The following DMD variants were observed in gnomAD, a reference collection of about 807,000 sequenced individuals.
DMD encodes dystrophin, also known as mutant dystrophin.
In DMD, 63 loss-of-function variants were observed where a neutral mutation model predicts 330.1. That is an observed-to-expected ratio of 0.19 (90% CI 0.16 to 0.24). The LOEUF (loss-of-function observed/expected upper bound fraction) is 0.24. DMD is among the 10% of genes least tolerant of loss of function. The probability of loss-of-function intolerance (pLI) is 1.00; values close to 1 mark genes in which losing one functional copy is unlikely to be tolerated. For synonymous variants in DMD, 1,223 were observed against 959.8 expected (o/e 1.27, Z -5.07); for missense variants, 3,344 against 2,684.1 (o/e 1.25, Z -5.43).
chrX:31,569,838 T>G (rs2075717327), intron 55 of DMD, among the ~76,000 whole-genome samples: 1 of 108,971 alleles, frequency 9.2e-6, no homozygotes, highest in Non-Finnish European at 1.9e-5. Context: ...TTATATAAAA[T>G]ACAGACATAA....
At chrX:33,235,604 T>G (rs1313781515) in intron 1 of DMD, among the ~76,000 whole-genome samples, 1 of 111,546 alleles carries the variant, frequency 9.0e-6, no homozygotes, top group Non-Finnish European at 1.9e-5. Flanking sequence ...AACAGTTTAA[T>G]CATTTAGGGA....
intron 2 of DMD, among the ~76,000 whole-genome samples, chrX:32,858,504 A>C (rs764610904): frequency 9.0e-6 from 1 of 110,740 alleles, no homozygotes; most frequent in African/African-American, 3.3e-5. Context: ...TCAGTTTTGT[A>C]TTTTTAGTAG....
At chrX:32,271,568 T>A (rs762325498) in intron 43 of DMD, among the ~76,000 whole-genome samples, 2 of 112,956 alleles carry the variant, frequency 1.8e-5, no homozygotes, top group East Asian at 5.6e-4. Context: ...GTAAACAGAT[T>A]TTTAAAGCGT....
intron 17 of DMD, among the ~76,000 whole-genome samples, chrX:32,543,278 G>T (rs1323358891): frequency 9.1e-6 from 1 of 110,257 alleles, no homozygotes; most frequent in Non-Finnish European, 1.9e-5. Flanking sequence ...TGGAGAGAAG[G>T]TATTTCACCA....
At chrX:32,091,309 A>G (rs1469315386) in intron 44 of DMD, among the ~76,000 whole-genome samples, 2 of 112,203 alleles carry the variant, frequency 1.8e-5, no homozygotes, top group East Asian at 5.6e-4. Context: ...CCAGATACAT[A>G]GAAACTTATA....
chrX:31,193,445 G>A (rs778820411), intron 67 of DMD, among the ~76,000 whole-genome samples: 4 of 111,662 alleles, frequency 3.6e-5, no homozygotes, highest in Admixed American at 1.9e-4. Flanking sequence ...CGGGGGAGAG[G>A]TAGAAGCTCT....
At chrX:33,122,891 T>C (rs1473499790) in intron 1 of DMD, among the ~76,000 whole-genome samples, 1 of 112,145 alleles carries the variant, frequency 8.9e-6, no homozygotes, top group African/African-American at 3.2e-5. Context: ...CATCAGTTTA[T>C]TTCATGTTCT....
chrX:32,624,411 G>GC (rs779862082), intron 11 of DMD, among the ~76,000 whole-genome samples: 1 of 112,135 alleles, frequency 8.9e-6, no homozygotes, highest in South Asian at 3.8e-4. Context: ...AGAGGGGCTA[G>GC]CAAAACAGAT....
At chrX:32,085,341 T>C (rs1440855187) in intron 44 of DMD, among the ~76,000 whole-genome samples, 1 of 109,895 alleles carries the variant, frequency 9.1e-6, no homozygotes, top group East Asian at 2.9e-4. Flanking sequence ...AATTTTATTA[T>C]GTGAGTATGT....
At chrX:31,759,902 T>C (rs1031053258) in intron 51 of DMD, among the ~76,000 whole-genome samples, 1 of 111,444 alleles carries the variant, frequency 9.0e-6, no homozygotes, top group Non-Finnish European at 1.9e-5. Context: ...TAAAAGCATA[T>C]GTAGAGAAAT....
intron 50 of DMD, among the ~76,000 whole-genome samples, chrX:31,786,725 G>A (rs746803116): frequency 1.4e-3 from 151 of 111,512 alleles, no homozygotes; most frequent in African/African-American, 4.9e-3. Flanking sequence ...TTTCTCCCTG[G>A]TGCCTGCTCT....
intron 7 of DMD, among the ~76,000 whole-genome samples, chrX:32,767,159 GTA>G (rs1170505752): frequency 9.0e-6 from 1 of 111,477 alleles, no homozygotes; most frequent in African/African-American, 3.3e-5. Flanking sequence ...AAGGCACCTA[GTA>G]TTTTTTGAGG....
chrX:31,990,880 TTTAA>T (rs983891223), intron 44 of DMD, among the ~76,000 whole-genome samples: 5 of 111,986 alleles, frequency 4.5e-5, no homozygotes, highest in African/African-American at 1.6e-4. Context: ...CAAATAAAGT[TTTAA>T]TTAATGTTCA....
intron 12 of DMD, among the ~76,000 whole-genome samples, chrX:32,613,038 G>C (rs746885767): frequency 4.5e-5 from 5 of 111,670 alleles, no homozygotes; most frequent in Non-Finnish European, 7.6e-5. Flanking sequence ...GATTTCGAAG[G>C]TATGAGGTAA....
chrX:33,066,068 A>G (rs1335369643), intron 1 of DMD, among the ~76,000 whole-genome samples: 1 of 110,423 alleles, frequency 9.1e-6, no homozygotes, highest in Non-Finnish European at 1.9e-5. Flanking sequence ...TAAAAAAAAA[A>G]AAAACCACCT....
At chrX:33,186,269 T>C (rs182789694) in intron 1 of DMD, among the ~76,000 whole-genome samples, 86 of 112,173 alleles carry the variant, frequency 7.7e-4, no homozygotes, top group Non-Finnish European at 1.5e-3. Context: ...TTCACTGCCT[T>C]TTCTTATTCT....
At chrX:32,282,786 T>C (rs1311978007) in intron 43 of DMD, among the ~76,000 whole-genome samples, 2 of 112,501 alleles carry the variant, frequency 1.8e-5, no homozygotes. Context: ...GCAAGTCACA[T>C]AACATCTTTG....
At chrX:32,339,703 T>C (rs937381794) in intron 41 of DMD, among the ~76,000 whole-genome samples, 6 of 111,931 alleles carry the variant, frequency 5.4e-5, no homozygotes, top group Non-Finnish European at 1.1e-4. Context: ...ATAAGGAAAA[T>C]TAATTTTTCA....
At chrX:33,226,002 C>T (rs1014097045) in intron 1 of DMD, among the ~76,000 whole-genome samples, 2 of 110,981 alleles carry the variant, frequency 1.8e-5, no homozygotes, top group East Asian at 2.8e-4. Flanking sequence ...TAGGGAAATT[C>T]GAATTAAAAC....
Sources: allele counts gnomAD v4.1 joint callset (sites outside exome capture counted in the v4.1 genomes callset), GRCh38; gene constraint gnomAD v4.1.1; transcripts MANE v1.5; gene names NCBI Gene and HGNC (gene_info 2026-07-23, HGNC 2026-07-21).